Variants in SIGLEC8 observed in about 807,000 individuals in gnomAD.
SIGLEC8 encodes sialic acid binding Ig like lectin 8.
A neutral mutation model predicts 42.1 loss-of-function variants in SIGLEC8; 32 were observed. The ratio of observed to expected loss-of-function variants is 0.76; its 90% CI spans 0.57 to 1.02. The LOEUF (loss-of-function observed/expected upper bound fraction) is 1.02. Ranked by LOEUF, SIGLEC8 falls within the 50% of genes least tolerant of loss-of-function variation. The pLI is 0.00. For synonymous variants in SIGLEC8, 262 were observed against 260.3 expected, an observed-to-expected ratio of 1.01 and a Z score of -0.06; for missense variants, 611 against 610.2, an observed-to-expected ratio of 1.00 and a Z score of -0.01.
At position 51,454,584 on chromosome 19, in the gene SIGLEC8, C is replaced by T. The variant is rs1989445867; in HGVS notation, c.1148+100G>A. ...CCGTGAGCTCATTCTTGCCCCAAGC[C>T]CTGGACCCATCCAGGTCCTTCCAGC... On this transcript the variant is annotated intron_variant, in intron 5 of 6. Coordinates refer to ENST00000321424, the MANE Select transcript of SIGLEC8 (RefSeq NM_014442.3). The surrounding 1 kb of genome is among the most constrained non-coding windows in gnomAD (Gnocchi z 4.7). 2 of 1,166,054 alleles carry T rather than the reference C, an allele frequency of 1.7e-6. No individual in the cohort carries two copies. The highest frequency in any genetic ancestry group is 2.6e-6 in the Non-Finnish European group (2 of 784,302). The allele number at this position is 1,166,054 out of a possible 1,614,324, so 72.2% of individuals were successfully genotyped here.
At position 51,455,206 on chromosome 19, in the gene SIGLEC8, C is replaced by A. The variant is rs146107803; in HGVS notation, c.1051+212G>T. 9.4e-3 allele frequency among the ~76,000 whole-genome samples: 1,430 copies of A among 152,234 alleles called. 22 individuals carry two copies. The highest frequency in any genetic ancestry group is 0.031 in the African/African-American group (1,299 of 41,542). On this transcript the variant is annotated intron_variant, in intron 4 of 6. Coordinates refer to ENST00000321424, the MANE Select transcript of SIGLEC8 (RefSeq NM_014442.3). ...AAACACACCTGGCCGGGCCCCAGCT[C>A]CTCCCCTCCAAGACCCACTCCTCCC...
chr19:51,454,776 G>T lies in SIGLEC8; in HGVS notation c.1056C>A (p.Thr352=). 6.2e-7 allele frequency: 1 copy of T among 1,613,274 alleles called. No homozygotes were observed. The highest frequency in any genetic ancestry group is 8.5e-7 in the Non-Finnish European group (1 of 1,179,368). The part of the protein sequence containing the change: ...SLSLQNEGTG[T]SRPVSQVTLA... ...GTGTCACTTGTGATACAGGTCTTGA[G>T]GTGCCTGCAGATGGATTGGAGTTGC... Residue 352 remains threonine (T), a synonymous_variant, in exon 5 of 7, where the codon ACC becomes ACA. Transcript: ENST00000321424. This position sits in a 1 kb window ranked among gnomAD's most constrained non-coding sequence, Gnocchi z 4.7.
chr19:51,453,263 AT>A, intron 6 of SIGLEC8, among the ~76,000 whole-genome samples: 1 of 151,756 alleles, frequency 6.6e-6, no homozygotes, highest in African/African-American at 2.4e-5. Flanking sequence ...TAAGTTTTGC[AT>A]TTTTTTGTAG....
chr19:51,452,359 G>GCT lies in SIGLEC8; in HGVS notation c.*19_*20insAG. ...CTACTGCATAGCATGGGGCTCTAGAGGGTTCTTGTTCTATGAGAATCAGCC... is the reference window on the plus strand; with the variant it reads ...CTACTGCATAGCATGGGGCTCTAGAGCTGGTTCTTGTTCTATGAGAATCAGCC... On this transcript the variant is annotated 3_prime_UTR_variant, in exon 7 of 7. Transcript: ENST00000321424. The GCT allele has an allele frequency of 6.3e-7, 1 of 1,580,462 alleles. No homozygotes were observed. Among genetic ancestry groups the GCT allele is most frequent in the Non-Finnish European group, 8.7e-7 (1 of 1,153,816 alleles).
Position 51,458,453 on chromosome 19 carries a change from C to A in SIGLEC8, c.-66G>T. ...TTCCTCAGGGTTCTTCTCTCAGAAA[C>A]TGAGGTCTCAAGACTTAGGGGAGGT... On this transcript the variant is annotated 5_prime_UTR_variant, in exon 1 of 7. Transcript: ENST00000321424. The A allele has an allele frequency of 6.5e-7, 1 of 1,549,674 alleles. No individual in the cohort carries two copies. The highest frequency in any genetic ancestry group is 8.7e-7 in the Non-Finnish European group (1 of 1,143,492).
At chr19:51,453,812 G>A in intron 6 of SIGLEC8, 1 of 984,868 alleles carries the variant, frequency 1.0e-6, no homozygotes, top group African/African-American at 1.7e-5. Flanking sequence ...ACCTGACCTG[G>A]GGAAGCTCAC....
chr19:51,452,669 A>C (rs1165193226), intron 6 of SIGLEC8, 36 bp from the exon 7 acceptor site: 8 of 1,461,222 alleles, frequency 5.5e-6, no homozygotes, highest in Non-Finnish European at 7.3e-6. Flanking sequence ...AGAACAGAGC[A>C]GTGGGGCCAG....
intron 3 of SIGLEC8, 109 bp downstream of exon 3, chr19:51,457,075 A>C: frequency 9.9e-7 from 1 of 1,013,520 alleles, no homozygotes; most frequent in Non-Finnish European, 1.6e-6. Flanking sequence ...GGGCTCACGC[A>C]CAGTGGCAGC....
chr19:51,457,178 T>C lies in SIGLEC8; in HGVS notation c.781+6A>G. 2 of 1,613,470 alleles carry C rather than the reference T, an allele frequency of 1.2e-6. No homozygotes were observed. The highest frequency in any genetic ancestry group is 1.3e-5 in the African/African-American group (1 of 75,006). ...CCCCAACCCCAGGGAGGGGGCTCTGTCCTACCTGTGGCATCTCCTTGGAAG... is the reference window on the plus strand; with the variant it reads ...CCCCAACCCCAGGGAGGGGGCTCTGCCCTACCTGTGGCATCTCCTTGGAAG... On this transcript the variant is annotated splice_donor_region_variant and intron_variant, in intron 3 of 6. Transcript: ENST00000321424.
rs1357520206 is a variant in SIGLEC8 at position 51,454,830 on chromosome 19, G to T, written c.1052-50C>A. The stretch of plus-strand genomic sequence containing the variant: ...GGGGATTTATATCACGGAGAAGTGG[G>T]TCTCTTCCCCTCCCACTGTCTGCAG... On this transcript the variant is annotated intron_variant, in intron 4 of 6. Transcript: ENST00000321424. The surrounding 1 kb of genome is among the most constrained non-coding windows in gnomAD (Gnocchi z 4.7). 4 of 1,378,988 alleles carry T rather than the reference G, an allele frequency of 2.9e-6. No homozygotes were observed. In the Admixed American group the frequency reaches 6.7e-5, roughly 23 times the overall value. 85.4% of individuals were successfully genotyped at this position (1,378,988 alleles called of 1,614,324 possible).
Position 51,455,697 on chromosome 19 carries a change from AAG to A in SIGLEC8, c.782-12_782-11del, listed in dbSNP as rs758807682. On this transcript the variant is annotated splice_polypyrimidine_tract_variant and intron_variant, in intron 3 of 6. Coordinates refer to ENST00000321424, the MANE Select transcript of SIGLEC8 (RefSeq NM_014442.3). ...CCCAGGGCTGTGGATGCTGCAGAGAAAGAGACAGAGGGTCATCCCATTACTGG... is the reference window on the plus strand; with the variant it reads ...CCCAGGGCTGTGGATGCTGCAGAGAAAGACAGAGGGTCATCCCATTACTGG... 6.2e-6 allele frequency: 10 copies of A among 1,610,822 alleles called. No homozygotes were observed. In the African/African-American group the frequency reaches 1.3e-4, roughly 22 times the overall value.
rs1568516049 is a variant in SIGLEC8 at position 51,457,976 on chromosome 19, G to A, written c.412C>T (p.Gln138Ter). The change falls in exon 1 of 7, where the codon CAG becomes TAG. Residue 138 changes from glutamine to a stop codon, truncating the protein, a stop_gained. Coordinates refer to ENST00000321424, the MANE Select transcript of SIGLEC8 (RefSeq NM_014442.3). LOFTEE classifies it high-confidence loss of function. The stretch of plus-strand genomic sequence containing the variant: ...AGCTGCTTAGTTTTGTAATTCAACT[G>A]TGATTTGTAACTCCATTTCATGCTT... ...RGSMKWSYKSQLNYKTKQLSV... is the reference protein window; with the variant it reads ...RGSMKWSYKS The A allele has an allele frequency of 6.2e-7, 1 of 1,614,160 alleles. No individual in the cohort carries two copies. The highest frequency in any genetic ancestry group is 1.1e-5 in the South Asian group (1 of 91,088).
rs776482770 is a variant in SIGLEC8, at chr19:51,452,350, G to A, written c.*29C>T. The A allele has an allele frequency of 3.2e-6, 5 of 1,559,246 alleles. No homozygotes were observed. The highest frequency in any genetic ancestry group is 4.4e-6 in the Non-Finnish European group (5 of 1,140,900). On this transcript the variant is annotated 3_prime_UTR_variant, in exon 7 of 7. Coordinates refer to ENST00000321424, the MANE Select transcript of SIGLEC8 (RefSeq NM_014442.3). ...CCTGGTGACCTACTGCATAGCATGG[G>A]GCTCTAGAGGGTTCTTGTTCTATGA...
rs144430194 is a variant in SIGLEC8, at chr19:51,452,499, C to T, written c.1380G>A (p.Pro460=). Residue 460 remains proline (P), a synonymous_variant, in exon 7 of 7, where the codon CCG becomes CCA. Coordinates refer to ENST00000321424, the MANE Select transcript of SIGLEC8 (RefSeq NM_014442.3). The part of the protein sequence containing the change: ...LSFHKVKPQD[P]QGQEATDSEY... ...CACTGTCAGTGGCCTCCTGTCCCTG[C>T]GGGTCCTGAGGCTTCACTTTATGGA... The T allele has an allele frequency of 1.9e-5, 31 of 1,610,414 alleles. No homozygotes were observed. The highest frequency in any genetic ancestry group is 3.3e-5 in the Admixed American group (2 of 59,938).
intron 6 of SIGLEC8, chr19:51,453,331 C>T: frequency 1.0e-6 from 1 of 959,114 alleles, no homozygotes; most frequent in Non-Finnish European, 1.2e-6. Flanking sequence ...CTCAAGCGAT[C>T]CTCCTACCTT....
chr19:51,457,104 T>C (rs781289608), intron 3 of SIGLEC8, 80 bp downstream of exon 3: 43 of 1,281,444 alleles, frequency 3.4e-5, no homozygotes, highest in Admixed American at 1.7e-4. Context: ...CCAAAGTGAT[T>C]CCAGGATGAG....
rs1989455012 is a variant in SIGLEC8 at position 51,454,996 on chromosome 19, T to C, written c.1052-216A>G. On this transcript the variant is annotated intron_variant, in intron 4 of 6. Coordinates refer to ENST00000321424, the MANE Select transcript of SIGLEC8 (RefSeq NM_014442.3). The surrounding 1 kb of genome is among the most constrained non-coding windows in gnomAD (Gnocchi z 4.7). ...CTTGCCTTTATTTACAATTTTGATA[T>C]TGTGTTCTTGTGGAATCATTTTGCA... Among the ~76,000 whole-genome samples, 1 of 152,224 alleles carries C rather than the reference T, an allele frequency of 6.6e-6. No homozygotes were observed. Among genetic ancestry groups the C allele is most frequent in the Non-Finnish European group, 1.5e-5 (1 of 68,034 alleles).
chr19:51,453,144 A>T lies in SIGLEC8; in HGVS notation c.1246-511T>A, dbSNP rs555175208. ...GGCTCTGTTGCCCAGGCTGGAGTGC[A>T]GTGGTGCAATCCCAGCTCACTGCAC... On this transcript the variant is annotated intron_variant, in intron 6 of 6. Transcript: ENST00000321424. Among the ~76,000 whole-genome samples the T allele has an allele frequency of 2.4e-4, 37 of 151,492 alleles. 1 individual carries two copies. Among genetic ancestry groups the T allele is most frequent in the Non-Finnish European group, 4.4e-5 (3 of 67,892 alleles).
chr19:51,457,807 T>G, intron 1 of SIGLEC8, 68 bp from the exon 2 acceptor site: 1 of 1,549,236 alleles, frequency 6.5e-7, no homozygotes, highest in South Asian at 1.2e-5. Flanking sequence ...AAGCTCAAGC[T>G]CTGGTCCAGC....
Sources: allele counts gnomAD v4.1 joint callset (sites outside exome capture counted in the v4.1 genomes callset), GRCh38; gene constraint gnomAD v4.1.1; non-coding constraint Gnocchi (gnomAD v3.1); transcripts MANE v1.5; gene names NCBI Gene and HGNC (gene_info 2026-07-23, HGNC 2026-07-21).